Variants in RAB11FIP2 observed in about 807,000 individuals in gnomAD.
RAB11FIP2 encodes RAB11 family interacting protein 2, also known as rab11 family-interacting protein 2.
A neutral mutation model predicts 40.9 loss-of-function variants in RAB11FIP2; 16 were observed. The observed-to-expected ratio is 0.39, with a 90% CI of 0.26 to 0.59. The LOEUF is 0.59. Ranked by LOEUF, RAB11FIP2 falls within the 20% of genes least tolerant of loss-of-function variation. The pLI is 0.53. For missense variants in RAB11FIP2, 532 were observed against 606.2 expected (o/e 0.88, Z 1.28); for synonymous variants, 228 against 213.7 (o/e 1.07, Z -0.58).
At chr10:118,027,106 A>T (rs780513403) in intron 3 of RAB11FIP2, among the ~76,000 whole-genome samples, 24 of 152,242 alleles carry the variant, frequency 1.6e-4, no homozygotes, top group Admixed American at 2.6e-4. Context: ...AGCAAGGGCT[A>T]TCGTTTCTGG....
In RAB11FIP2 at chr10:118,005,092, T is replaced by C. The variant is rs1846078854; in HGVS notation, c.*3906A>G. The C allele has an allele frequency of 6.6e-6, 1 of 152,640 alleles. No homozygotes were observed. Among genetic ancestry groups the C allele is most frequent in the Non-Finnish European group, 1.5e-5 (1 of 68,036 alleles). 9.5% of individuals were successfully genotyped at this position (152,640 alleles called of 1,614,324 possible). A position where few individuals can be genotyped will look rare whatever the true frequency, so the allele number is the denominator to read the frequency against. On this transcript the variant is annotated 3_prime_UTR_variant, in exon 5 of 5. Transcript: ENST00000355624. ...TTATGAGAGCATTTACTTAAGAAGA[T>C]AAGTGTTATACTCTTCAGTTATAAA...
rs1162549593 is a variant in RAB11FIP2 at position 118,006,815 on chromosome 10, A to T, written c.*2183T>A. The T allele has an allele frequency of 6.6e-6, 1 of 152,152 alleles. No individual in the cohort carries two copies. Among genetic ancestry groups the T allele is most frequent in the Non-Finnish European group, 1.5e-5 (1 of 67,908 alleles). 9.4% of individuals were successfully genotyped at this position (152,152 alleles called of 1,614,324 possible). ...AAAATTTTGATTGAGTTATAACCAA[A>T]TCACTCATGTATGAATAAAGCTAAG... On this transcript the variant is annotated 3_prime_UTR_variant, in exon 5 of 5. Coordinates refer to ENST00000355624, the MANE Select transcript of RAB11FIP2 (RefSeq NM_014904.3).
intron 3 of RAB11FIP2, among the ~76,000 whole-genome samples, chr10:118,025,637 T>C (rs1846333796): frequency 1.3e-5 from 2 of 152,212 alleles, no homozygotes; most frequent in Non-Finnish European, 2.9e-5. Flanking sequence ...TCTATAGAAT[T>C]AGATGCAAAT....
Position 118,040,329 on chromosome 10 carries a change from T to C in RAB11FIP2, c.590A>G (p.Asn197Ser), listed in dbSNP as rs373627593. ...TATTTCACCACTTGAAAATTCACTATTGGCATCGGGCATGTGAGTACTTGG... is the reference window on the plus strand; with the variant it reads ...TATTTCACCACTTGAAAATTCACTACTGGCATCGGGCATGTGAGTACTTGG... ...IIPSTHMPDA[N>S]SEFSSGEIQM... The change falls in exon 2 of 5, where the codon AAT becomes AGT. Residue 197 changes from asparagine to serine, a missense_variant. Coordinates refer to ENST00000355624, the MANE Select transcript of RAB11FIP2 (RefSeq NM_014904.3). The C allele has an allele frequency of 1.5e-5, 25 of 1,613,808 alleles. No homozygotes were observed. The East Asian group carries it at 4.0e-4, about 26-fold the overall frequency.
intron 2 of RAB11FIP2, 34 bp downstream of exon 2, chr10:118,040,089 C>A: frequency 6.4e-7 from 1 of 1,558,194 alleles, no homozygotes; most frequent in South Asian, 1.2e-5. Context: ...AAGGGTAGTT[C>A]AGACCAATGA....
intron 1 of RAB11FIP2, among the ~76,000 whole-genome samples, chr10:118,041,449 G>A (rs2133183628): frequency 6.6e-6 from 1 of 152,160 alleles, no homozygotes; most frequent in Non-Finnish European, 1.5e-5. Flanking sequence ...TTTTATCCAT[G>A]AGAAATTCTC....
At chr10:118,014,364 G>A (rs1235081460) in intron 4 of RAB11FIP2, among the ~76,000 whole-genome samples, 2 of 152,122 alleles carry the variant, frequency 1.3e-5, no homozygotes, top group Non-Finnish European at 2.9e-5. Flanking sequence ...TACCAAGAAC[G>A]TTTGCCCATA....
chr10:118,026,249 G>A (rs879398061), intron 3 of RAB11FIP2, among the ~76,000 whole-genome samples: 29 of 152,060 alleles, frequency 1.9e-4, no homozygotes, highest in Admixed American at 4.6e-4. Context: ...ATAAAATGAC[G>A]TGACGACAGT....
chr10:118,023,397 T>C (rs1846304807), intron 3 of RAB11FIP2, among the ~76,000 whole-genome samples: 2 of 152,206 alleles, frequency 1.3e-5, no homozygotes, highest in African/African-American at 4.8e-5. Context: ...ATATTTTTTC[T>C]TTCTTTTTAG....
intron 3 of RAB11FIP2, among the ~76,000 whole-genome samples, chr10:118,033,281 A>T (rs1265649886): frequency 1.3e-5 from 2 of 152,068 alleles, no homozygotes; most frequent in African/African-American, 2.4e-5. Context: ...ATTCTAATTC[A>T]GTCAGAGGGG....
rs111775509 is a variant in RAB11FIP2 at position 118,024,819 on chromosome 10, T to C, written c.1266-9709A>G. 5.3e-3 allele frequency among the ~76,000 whole-genome samples: 801 copies of C among 152,186 alleles called. 7 individuals carry two copies. The highest frequency in any genetic ancestry group is 0.019 in the African/African-American group (772 of 41,514). On this transcript the variant is annotated intron_variant, in intron 3 of 4. Transcript: ENST00000355624. ...TGTGTGGGCCTATGACAAAGCTATG[T>C]TTTGGAGAAGTCACGGTGTCCTCTG... is the stretch of plus-strand genomic sequence containing the variant.
In RAB11FIP2 at chr10:118,040,289, T is replaced by C. The variant is rs138817258; in HGVS notation, c.630A>G (p.Lys210=). The change falls in exon 2 of 5, where the codon AAA becomes AAG. Residue 210 remains lysine, a synonymous_variant. Coordinates refer to ENST00000355624, the MANE Select transcript of RAB11FIP2 (RefSeq NM_014904.3). ...FSSGEIQMKS[K]PKKPFLLGPQ... ...GACCCAAGAGAAAAGGCTTTTTTGG[T>C]TTGGATTTCATCTGTATTTCACCAC... is the stretch of plus-strand genomic sequence containing the variant. The C allele has an allele frequency of 1.5e-3, 2,402 of 1,613,804 alleles. 7 individuals carry two copies. The highest frequency in any genetic ancestry group is 1.9e-3 in the Non-Finnish European group (2,262 of 1,179,832).
At chr10:118,029,401 T>G (rs1417045325) in intron 3 of RAB11FIP2, among the ~76,000 whole-genome samples, 1 of 152,168 alleles carries the variant, frequency 6.6e-6, no homozygotes. Flanking sequence ...TTTCCCATCC[T>G]CTGTCCTCAA....
intron 3 of RAB11FIP2, among the ~76,000 whole-genome samples, chr10:118,029,288 T>C (rs1197768522): frequency 6.6e-6 from 1 of 152,002 alleles, no homozygotes; most frequent in Non-Finnish European, 1.5e-5. Context: ...TCAAAGATGT[T>C]CCCTTCTTCT....
intron 4 of RAB11FIP2, among the ~76,000 whole-genome samples, chr10:118,011,419 G>A (rs574895514): frequency 4.0e-5 from 6 of 151,750 alleles, no homozygotes; most frequent in East Asian, 1.9e-4. Flanking sequence ...TCTCATGCAC[G>A]TAGTTACTAG....
intron 3 of RAB11FIP2, among the ~76,000 whole-genome samples, chr10:118,022,264 A>G (rs1221917096): frequency 6.6e-6 from 1 of 152,138 alleles, no homozygotes; most frequent in African/African-American, 2.4e-5. Flanking sequence ...TGACCATAAG[A>G]CCAAACTGTC....
chr10:118,040,549 A>T lies in RAB11FIP2; in HGVS notation c.370T>A (p.Ser124Thr). 1 of 1,605,570 alleles carries T rather than the reference A, an allele frequency of 6.2e-7. No individual in the cohort carries two copies. Among genetic ancestry groups the T allele is most frequent in the East Asian group, 2.2e-5 (1 of 44,806 alleles). The change falls in exon 2 of 5, where the codon TCC (serine) becomes ACC (threonine). Residue 124 changes from serine to threonine, a missense_variant. By Grantham distance (58) the Ser-to-Thr change is moderately conservative (BLOSUM62 1). Transcript: ENST00000355624. ...RRKTEWFRLESKQGKRIKNRG... is the reference protein window; with the variant it reads ...RRKTEWFRLETKQGKRIKNRG... ...TTTTTGATTCGTTTTCCTTGTTTGGATTCTAATCTAAACCACCTTAAAGAG... is the reference window on the plus strand; with the variant it reads ...TTTTTGATTCGTTTTCCTTGTTTGGTTTCTAATCTAAACCACCTTAAAGAG...
At chr10:118,020,361 A>G (rs922027481) in intron 3 of RAB11FIP2, among the ~76,000 whole-genome samples, 6 of 152,218 alleles carry the variant, frequency 3.9e-5, no homozygotes, top group Admixed American at 3.9e-4. Flanking sequence ...TTTAGTCTAA[A>G]AGAGACAGAA....
At chr10:118,022,178 G>C (rs1846290036) in intron 3 of RAB11FIP2, among the ~76,000 whole-genome samples, 1 of 152,090 alleles carries the variant, frequency 6.6e-6, no homozygotes, top group South Asian at 2.1e-4. Context: ...CAAATAAACT[G>C]CCATGTTCTC....
Sources: allele counts gnomAD v4.1 joint callset (sites outside exome capture counted in the v4.1 genomes callset), GRCh38; gene constraint gnomAD v4.1.1; transcripts MANE v1.5; gene names NCBI Gene and HGNC (gene_info 2026-07-23, HGNC 2026-07-21).